MYPN: variants seen among roughly 807,000 people sequenced by gnomAD.
MYPN encodes the protein sarcomeric protein myopalladin, 145 kDa (MYOP).
Under a neutral mutation model 129.4 loss-of-function variants are expected in MYPN, and 63 were observed. That is an observed-to-expected ratio of 0.49 (90% CI 0.40 to 0.60). The LOEUF (loss-of-function observed/expected upper bound fraction) is 0.60. Among genes scored for constraint, MYPN ranks in the 20% least tolerant of loss-of-function variants. The pLI is 0.00. For synonymous variants in MYPN, 629 were observed against 600.9 expected, an observed-to-expected ratio of 1.05 and a Z score of -0.68; for missense variants, 1,596 against 1,635.4, an observed-to-expected ratio of 0.98 and a Z score of 0.42.
chr10:68,156,750 G>A (rs914211462), intron 6 of MYPN, among the ~76,000 whole-genome samples: 6 of 152,142 alleles, frequency 3.9e-5, no homozygotes, highest in South Asian at 4.1e-4. Flanking sequence ...CGAAATATTC[G>A]TAACAGCGAA....
At chr10:68,203,708 C>T (rs71493811) in intron 18 of MYPN, among the ~76,000 whole-genome samples, 23,022 of 103,046 alleles carry the variant, frequency 0.22, 2,050 homozygotes, top group Admixed American at 0.28. Context: ...CACACACACA[C>T]ACATACACAC....
At chr10:68,188,409 C>T (rs2043455034) in intron 12 of MYPN, among the ~76,000 whole-genome samples, 1 of 57,986 alleles carries the variant, frequency 1.7e-5, no homozygotes, top group Admixed American at 1.7e-4. Flanking sequence ...CATGCCTGGC[C>T]TCTTTTTTTT....
At chr10:68,157,106 C>T (rs2042888893) in intron 6 of MYPN, among the ~76,000 whole-genome samples, 1 of 152,206 alleles carries the variant, frequency 6.6e-6, no homozygotes, top group African/African-American at 2.4e-5. Flanking sequence ...ACAGAATACA[C>T]TGATATCTTA....
chr10:68,166,236 A>G, intron 9 of MYPN, 58 bp from the exon 10 acceptor site: 2 of 1,609,678 alleles, frequency 1.2e-6, no homozygotes, highest in Non-Finnish European at 1.7e-6. Context: ...ATTTGTGCAC[A>G]TGCCCCAATT....
intron 3 of MYPN, among the ~76,000 whole-genome samples, chr10:68,144,301 T>C (rs185169827): frequency 1.3e-5 from 2 of 152,314 alleles, no homozygotes; most frequent in Admixed American, 1.3e-4. Flanking sequence ...TCACCAATAA[T>C]ACCTTATGTA....
chr10:68,150,134 C>T, intron 6 of MYPN, 23 bp downstream of exon 6: 1 of 1,580,036 alleles, frequency 6.3e-7, no homozygotes, highest in South Asian at 1.1e-5. Context: ...TTACTTCTTT[C>T]TGTCATGGCT....
chr10:68,115,960 C>T (rs2042151219), intron 1 of MYPN, among the ~76,000 whole-genome samples: 1 of 152,170 alleles, frequency 6.6e-6, no homozygotes, highest in South Asian at 2.1e-4. Flanking sequence ...CTTTGCTTGA[C>T]TTTGCTAGCT....
At chr10:68,203,706 C>CAG (rs56307029) in intron 18 of MYPN, among the ~76,000 whole-genome samples, 1 of 119,928 alleles carries the variant, frequency 8.3e-6, no homozygotes, top group Non-Finnish European at 1.8e-5. Flanking sequence ...CACACACACA[C>CAG]ACACATACAC....
chr10:68,182,455 A>ATG (rs1589596834), intron 12 of MYPN, among the ~76,000 whole-genome samples: 1 of 104,060 alleles, frequency 9.6e-6, no homozygotes, highest in Non-Finnish European at 2.0e-5. Context: ...TATATAACAT[A>ATG]TATATATAAC....
chr10:68,207,296 C>G (rs2043832885), intron 19 of MYPN, among the ~76,000 whole-genome samples: 1 of 152,108 alleles, frequency 6.6e-6, no homozygotes, highest in Non-Finnish European at 1.5e-5. Context: ...GAATATGTTT[C>G]CATAAATGAA....
At chr10:68,171,248 T>C (rs2043140800) in intron 10 of MYPN, among the ~76,000 whole-genome samples, 1 of 151,814 alleles carries the variant, frequency 6.6e-6, no homozygotes, top group Admixed American at 6.6e-5. Context: ...GAAAACACAA[T>C]AATTAACATT....
chr10:68,104,487 A>G (rs2041997619), upstream of MYPN, among the ~76,000 whole-genome samples: 1 of 152,228 alleles, frequency 6.6e-6, no homozygotes, highest in African/African-American at 2.4e-5. Flanking sequence ...ATTATAACAA[A>G]TAGAAATGAA....
chr10:68,144,350 A>G (rs1009307639), intron 3 of MYPN, among the ~76,000 whole-genome samples: 1 of 152,206 alleles, frequency 6.6e-6, no homozygotes, highest in Non-Finnish European at 1.5e-5. Flanking sequence ...ATTATGGTAT[A>G]GATGCCCATT....
chr10:68,189,111 G>T lies in MYPN; in HGVS notation c.2910G>T (p.Gly970=). The change falls in exon 13 of 20, where the codon GGG becomes GGT. Residue 970 remains glycine, a synonymous_variant. Transcript: ENST00000358913. ...SPVTFTCKIV[G]IPVPKVYWFK... ...TTACATTCACCTGCAAAATTGTTGG[G>T]ATACCTGTTCCAAAGGTAGGGAAGA... The T allele has an allele frequency of 9.9e-6, 16 of 1,613,902 alleles. No homozygotes were observed. The highest frequency in any genetic ancestry group is 1.4e-5 in the Non-Finnish European group (16 of 1,179,848).
intron 1 of MYPN, among the ~76,000 whole-genome samples, chr10:68,119,385 TTTTATTTATTTATTTA>T (rs141638905): frequency 0.3 from 43,225 of 144,682 alleles, 6,828 homozygotes; most frequent in East Asian, 0.46. Flanking sequence ...TTGCATTTTA[TTTTATTTATTTATTTA>T]TTTATTTATT....
chr10:68,143,299 GAC>G lies in MYPN; in HGVS notation c.1078+186_1078+187del, dbSNP rs541032329. 3.4e-3 allele frequency among the ~76,000 whole-genome samples: 524 copies of G among 152,160 alleles called. 2 individuals carry two copies. Among genetic ancestry groups the G allele is most frequent in the Non-Finnish European group, 5.8e-3 (395 of 68,010 alleles). The stretch of plus-strand genomic sequence containing the variant: ...ATAATTTACATTATATGATGGGAAA[GAC>G]AGAAAATAAACAAGATAAACAAATA... On this transcript the variant is annotated intron_variant, in intron 3 of 19. Coordinates refer to ENST00000358913, the MANE Select transcript of MYPN (RefSeq NM_032578.4).
At chr10:68,185,305 T>C (rs1309068029) in intron 12 of MYPN, among the ~76,000 whole-genome samples, 1 of 152,106 alleles carries the variant, frequency 6.6e-6, no homozygotes, top group African/African-American at 2.4e-5. Context: ...CTTGCTTTAG[T>C]CTTTGTTTCT....
At chr10:68,136,586 G>T in intron 2 of MYPN, 1 of 1,495,258 alleles carries the variant, frequency 6.7e-7, no homozygotes, top group South Asian at 1.3e-5. Context: ...GACGGTTACC[G>T]ATTGTTTTTT....
At chr10:68,203,420 C>T (rs942178192) in intron 18 of MYPN, among the ~76,000 whole-genome samples, 1 of 145,378 alleles carries the variant, frequency 6.9e-6, no homozygotes, top group Non-Finnish European at 1.5e-5. Flanking sequence ...AAGACCCCAT[C>T]TCTAAAAAAA....
Sources: allele counts gnomAD v4.1 joint callset (sites outside exome capture counted in the v4.1 genomes callset), GRCh38; gene constraint gnomAD v4.1.1; transcripts MANE v1.5; gene names NCBI Gene and HGNC (gene_info 2026-07-23, HGNC 2026-07-21).